HIPK1: variants seen among roughly 807,000 people sequenced by gnomAD.
The protein encoded by HIPK1 is homeodomain interacting protein kinase 1, also known as homeodomain-interacting protein kinase 1.
In HIPK1, 28 loss-of-function variants were observed where a neutral mutation model predicts 117.1. That is an observed-to-expected ratio of 0.24 (90% CI 0.18 to 0.33). HIPK1 has a LOEUF of 0.33. Ranked by LOEUF, HIPK1 falls within the 10% of genes least tolerant of loss-of-function variation. The pLI, the probability that HIPK1 is intolerant of heterozygous loss-of-function variation, is 1.00. For synonymous variants in HIPK1, 605 were observed against 562.5 expected (o/e 1.08, Z -1.07); for missense variants, 1,122 against 1,475.1 (o/e 0.76, Z 3.92).
chr1:113,940,260 A>G (rs1670559116), intron 1 of HIPK1, 122 bp from the exon 2 acceptor site: 2 of 899,580 alleles, frequency 2.2e-6, no homozygotes, highest in East Asian at 4.9e-5. Context: ...TGAGAAGAGG[A>G]GAACATTATT....
At chr1:113,949,556 C>T (rs1671210097) in intron 2 of HIPK1, among the ~76,000 whole-genome samples, 1 of 151,832 alleles carries the variant, frequency 6.6e-6, no homozygotes, top group African/African-American at 2.4e-5. Context: ...CCTCTAGCCA[C>T]CTGCAACAGG....
intron 15 of HIPK1, 113 bp from the exon 16 acceptor site, chr1:113,972,911 T>C (rs527928816): frequency 8.6e-7 from 1 of 1,167,954 alleles, no homozygotes; most frequent in African/African-American, 1.5e-5. Context: ...GGAGATTATG[T>C]GCTATACCCA....
At position 113,941,293 on chromosome 1, in the gene HIPK1, A is replaced by G. The variant is rs1670622399; in HGVS notation, c.910A>G (p.Met304Val). 1 of 1,614,226 alleles carries G rather than the reference A, an allele frequency of 6.2e-7. No individual in the cohort carries two copies. Among genetic ancestry groups the G allele is most frequent in the Admixed American group, 1.7e-5 (1 of 60,026 alleles). The change falls in exon 2 of 16, where the codon ATG (methionine) becomes GTG (valine). Residue 304 changes from methionine (M) to valine (V), a missense_variant. Physicochemically the swap from Met to Val is conservative, Grantham distance 21. Transcript: ENST00000426820. The surrounding 1 kb of genome is among the most constrained non-coding windows in gnomAD (Gnocchi z 4.9). The stretch of plus-strand genomic sequence containing the variant: ...CTTGCAGCAGGTGGCCACAGCCTTG[A>G]TGAAGCTCAAGAGTCTTGGTCTGAT... The part of the protein sequence containing the change: ...PILQQVATAL[M>V]KLKSLGLIHA...
intron 2 of HIPK1, among the ~76,000 whole-genome samples, chr1:113,948,827 T>C (rs181781749): frequency 4.6e-5 from 7 of 152,160 alleles, no homozygotes; most frequent in African/African-American, 1.7e-4. Flanking sequence ...AGTTATCATA[T>C]ATTATTGCTA....
At position 113,957,174 on chromosome 1, in the gene HIPK1, T is replaced by C. The variant is rs756991880; in HGVS notation, c.1643T>C (p.Met548Thr). Residue 548 changes from methionine to threonine, a missense_variant, in exon 7 of 16, where the codon ATG (methionine) becomes ACG (threonine). Physicochemically the swap from Met to Thr is moderately conservative, Grantham distance 81. Around this residue, in one of 6 missense-constraint regions of HIPK1, gnomAD observed 731 missense variants for 860.4 expected, o/e 0.85. Transcript: ENST00000426820. ...GAGATCTGCAAGCGGAGGGTTCACA[T>C]GTATGATACAGTGAGTCAGATCAAG... ...NMEICKRRVHMYDTVSQIKSP... is the reference protein window; with the variant it reads ...NMEICKRRVHTYDTVSQIKSP... 1 of 1,613,212 alleles carries C rather than the reference T, an allele frequency of 6.2e-7. No homozygotes were observed. The highest frequency in any genetic ancestry group is 1.1e-5 in the South Asian group (1 of 91,062).
Position 113,929,398 on chromosome 1 carries a change from CG to C in HIPK1, c.-134del, listed in dbSNP as rs1213749374. 1.9e-5 allele frequency: 24 copies of C among 1,289,306 alleles called. No individual in the cohort carries two copies. In the East Asian group the frequency reaches 1.3e-3, roughly 68 times the overall value. The allele number at this position is 1,289,306 out of a possible 1,614,324, so 79.9% of individuals were successfully genotyped here. On this transcript the variant is annotated 5_prime_UTR_variant, in exon 1 of 16. Transcript: ENST00000426820. Reference sequence around the variant, plus strand: ...CGCAGAGTCTGCAGTGCGGAGGGGGCGGGAAGTCCAGGCCCCGCACTCGATC... The same window carrying C: ...CGCAGAGTCTGCAGTGCGGAGGGGGCGGAAGTCCAGGCCCCGCACTCGATC...
chr1:113,930,021 G>C, intron 1 of HIPK1: 1 of 985,052 alleles, frequency 1.0e-6, no homozygotes, highest in Non-Finnish European at 1.2e-6. Flanking sequence ...GCCGGCCGCC[G>C]GCTCTCCTGG....
intron 2 of HIPK1, chr1:113,951,388 T>C (rs929526439): frequency 1.8e-5 from 10 of 549,522 alleles, no homozygotes; most frequent in South Asian, 8.0e-5. Context: ...CTGCCACTTA[T>C]TTGACTGTGA....
chr1:113,957,166 G>A lies in HIPK1; in HGVS notation c.1635G>A (p.Arg545=). The A allele has an allele frequency of 6.2e-7, 1 of 1,613,546 alleles. No homozygotes were observed. Among genetic ancestry groups the A allele is most frequent in the Non-Finnish European group, 8.5e-7 (1 of 1,179,634 alleles). Residue 545 remains arginine (R), a synonymous_variant, in exon 7 of 16, where the codon AGG becomes AGA. Coordinates refer to ENST00000426820, the MANE Select transcript of HIPK1 (RefSeq NM_198268.3). ...AGAACATGGAGATCTGCAAGCGGAG[G>A]GTTCACATGTATGATACAGTGAGTC... is the stretch of plus-strand genomic sequence containing the variant. The part of the protein sequence containing the change: ...CFQNMEICKR[R]VHMYDTVSQI...
chr1:113,950,094 A>G (rs1429302887), intron 2 of HIPK1, among the ~76,000 whole-genome samples: 4 of 152,138 alleles, frequency 2.6e-5, no homozygotes, highest in African/African-American at 7.2e-5. Context: ...AAGGGCCACT[A>G]TTTATGTATA....
At chr1:113,968,283 T>C (rs1347358968) in intron 12 of HIPK1, among the ~76,000 whole-genome samples, 159 bp from the exon 13 acceptor site, 1 of 150,850 alleles carries the variant, frequency 6.6e-6, no homozygotes, top group African/African-American at 2.4e-5. Flanking sequence ...CTTGCCAGCA[T>C]GGTGCTTATT....
chr1:113,970,196 A>G lies in HIPK1; in HGVS notation c.3012A>G (p.Ser1004=). 1 of 1,614,058 alleles carries G rather than the reference A, an allele frequency of 6.2e-7. No individual in the cohort carries two copies. Among genetic ancestry groups the G allele is most frequent in the Non-Finnish European group, 8.5e-7 (1 of 1,179,902 alleles). The change falls in exon 14 of 16, where the codon TCA becomes TCG. Residue 1004 remains serine, a splice_region_variant and synonymous_variant. Transcript: ENST00000426820. ...ACTGCACTGTAGCAACCCAGGCCTC[A>G]GGTCAGTGTTATCTTCACAGCTTGA... is the stretch of plus-strand genomic sequence containing the variant. ...LGDCTVATQA[S]GLLSNKTKPV... is the part of the protein sequence containing the mutation.
intron 12 of HIPK1, 86 bp from the exon 13 acceptor site, chr1:113,968,356 G>T (rs1672593161): frequency 1.1e-6 from 1 of 935,840 alleles, no homozygotes; most frequent in South Asian, 1.3e-5. Context: ...GAATCAATGA[G>T]TAAATTGGAA....
Position 113,971,839 on chromosome 1 carries a change from A to C in HIPK1, c.3029A>C (p.Lys1010Thr), listed in dbSNP as rs896823089. Residue 1010 changes from lysine (K) to threonine (T), a missense_variant, in exon 15 of 16, where the codon AAG (lysine) becomes ACG (threonine). Around this residue, in one of 6 missense-constraint regions of HIPK1, gnomAD observed 731 missense variants for 860.4 expected, o/e 0.85. Coordinates refer to ENST00000426820, the MANE Select transcript of HIPK1 (RefSeq NM_198268.3). ...GCTTTTTTAGGTCTCCTGAGCAATA[A>C]GACTAAGCCAGTCGCTTCAGTGAGT... is the stretch of plus-strand genomic sequence containing the variant. ...ATQASGLLSN[K>T]TKPVASVSGQ... 3.8e-6 allele frequency: 6 copies of C among 1,593,078 alleles called. No individual in the cohort carries two copies. Among genetic ancestry groups the C allele is most frequent in the Admixed American group, 3.7e-5 (2 of 53,398 alleles).
At position 113,962,415 on chromosome 1, in the gene HIPK1, A is replaced by G. The variant is rs1414271555; in HGVS notation, c.2080A>G (p.Ile694Val). ...PQAPAAQPLQ[I>V]QSGVLTQGSC... ...GGCACCAGCTGCTCAGCCACTACAG[A>G]TTCAGTCAGGAGTTCTCACGCAGGT... is the stretch of plus-strand genomic sequence containing the variant. Residue 694 changes from isoleucine (I) to valine (V), a missense_variant, in exon 9 of 16, where the codon ATT (isoleucine) becomes GTT (valine). By Grantham distance (29) the Ile-to-Val change is conservative (BLOSUM62 3). Around this residue, in one of 6 missense-constraint regions of HIPK1, gnomAD observed 731 missense variants for 860.4 expected, o/e 0.85. Coordinates refer to ENST00000426820, the MANE Select transcript of HIPK1 (RefSeq NM_198268.3). 1.5e-5 allele frequency: 24 copies of G among 1,613,880 alleles called. No individual in the cohort carries two copies. Among genetic ancestry groups the G allele is most frequent in the Non-Finnish European group, 2.0e-5 (24 of 1,179,840 alleles).
At chr1:113,929,775 C>A in intron 1 of HIPK1, 1 of 927,422 alleles carries the variant, frequency 1.1e-6, no homozygotes, top group Non-Finnish European at 1.3e-6. Context: ...GAGGAGGCTC[C>A]CCCTGCGGGA....
chr1:113,972,070 A>T (rs1355969194), intron 15 of HIPK1, 116 bp downstream of exon 15: 2 of 1,611,712 alleles, frequency 1.2e-6, no homozygotes, highest in African/African-American at 2.7e-5. Flanking sequence ...TTTGTGTCAA[A>T]CAATTTTGTG....
chr1:113,968,451 A>G lies in HIPK1; in HGVS notation c.2574A>G (p.Leu858=), dbSNP rs1558148130. The change falls in exon 13 of 16, where the codon CTA becomes CTG. Residue 858 remains leucine, a synonymous_variant. Transcript: ENST00000426820. ...TGAACTTTTCCTACAGGTCCTCTCTAGATGTTCTGCCTTCCCAAGTCTATT... is the reference window on the plus strand; with the variant it reads ...TGAACTTTTCCTACAGGTCCTCTCTGGATGTTCTGCCTTCCCAAGTCTATT... ...QSAPVSSKSS[L]DVLPSQVYSL... is the part of the protein sequence containing the mutation. 3 of 1,612,502 alleles carry G rather than the reference A, an allele frequency of 1.9e-6. No individual in the cohort carries two copies. Among genetic ancestry groups the G allele is most frequent in the Non-Finnish European group, 2.5e-6 (3 of 1,178,480 alleles).
rs762977498 is a variant in HIPK1, at chr1:113,941,142, T to A, written c.759T>A (p.Arg253=). ...ATGCTGATGAGTATAATTTTGTCCG[T>A]TCATACGAGTGCTTTCAGCATAAGA... ...SENADEYNFV[R]SYECFQHKNH... Residue 253 remains arginine, a synonymous_variant, in exon 2 of 16, where the codon CGT becomes CGA. Transcript: ENST00000426820. The surrounding 1 kb of genome is among the most constrained non-coding windows in gnomAD (Gnocchi z 4.9). 4.3e-6 allele frequency: 7 copies of A among 1,614,148 alleles called. No individual in the cohort carries two copies. In the South Asian group the frequency reaches 7.7e-5, roughly 18 times the overall value.
Sources: gnomAD v4.1 joint callset for allele counts (sites outside exome capture counted in the v4.1 genomes callset) on GRCh38, gnomAD v4.1.1 for gene constraint, gnomAD v4.1.1 regional missense constraint, Gnocchi (gnomAD v3.1) non-coding constraint, MANE v1.5 for transcripts, NCBI Gene and HGNC (gene_info 2026-07-23, HGNC 2026-07-21) for gene names.